Variants in PRKN observed in about 807,000 individuals in gnomAD.
PRKN encodes the protein E3 ubiquitin-protein ligase parkin.
Under a neutral mutation model 59.5 loss-of-function variants are expected in PRKN, and 56 were observed. That is an observed-to-expected ratio of 0.94 (90% CI 0.76 to 1.18). The LOEUF is 1.18. Among genes scored for constraint, PRKN ranks in the 50% most tolerant of loss-of-function variants. PRKN has a pLI of 0.00. For synonymous variants in PRKN, 250 were observed against 222.1 expected, an observed-to-expected ratio of 1.13 and a Z score of -1.12; for missense variants, 657 against 596.4, an observed-to-expected ratio of 1.10 and a Z score of -1.06.
chr6:161,350,269 G>C (rs892587450), intron 11 of PRKN, 58 bp from the exon 12 acceptor site: 3 of 1,194,218 alleles, frequency 2.5e-6, no homozygotes, highest in Non-Finnish European at 3.7e-6. Flanking sequence ...TGGAAAACAC[G>C]CATTCCCAAA....
At chr6:162,346,115 C>A (rs1784393910) in intron 2 of PRKN, among the ~76,000 whole-genome samples, 1 of 152,134 alleles carries the variant, frequency 6.6e-6, no homozygotes, top group Non-Finnish European at 1.5e-5. Context: ...CAAATGAACT[C>A]TTTTCTTTGT....
At chr6:162,474,872 C>T (rs903647656) in intron 1 of PRKN, among the ~76,000 whole-genome samples, 1 of 151,838 alleles carries the variant, frequency 6.6e-6, no homozygotes, top group African/African-American at 2.4e-5. Flanking sequence ...ACCAGAAGTC[C>T]GATGTAGCAA....
intron 4 of PRKN, among the ~76,000 whole-genome samples, chr6:162,147,935 A>G (rs1437077625): frequency 2.6e-5 from 4 of 152,206 alleles, no homozygotes; most frequent in Non-Finnish European, 5.9e-5. Flanking sequence ...ACAGCATAAA[A>G]GAGAATTCCA....
chr6:161,917,405 C>T (rs916802381), intron 6 of PRKN, among the ~76,000 whole-genome samples: 1 of 151,958 alleles, frequency 6.6e-6, no homozygotes, highest in Admixed American at 6.6e-5. Flanking sequence ...TGCACCCGGC[C>T]GATTTTTTCA....
At chr6:162,556,368 T>TGTGTGTGCGTGC (rs1554243453) in intron 1 of PRKN, among the ~76,000 whole-genome samples, 5 of 98,126 alleles carry the variant, frequency 5.1e-5, no homozygotes, top group South Asian at 4.2e-4. Flanking sequence ...TGTGTGTGTG[T>TGTGTGTGCGTGC]GTGTGTGTGT....
chr6:161,536,263 C>G (rs1479366878), intron 9 of PRKN, among the ~76,000 whole-genome samples: 1 of 152,062 alleles, frequency 6.6e-6, no homozygotes, highest in Non-Finnish European at 1.5e-5. Context: ...GGCTTCAGAG[C>G]TGATGAACTC....
chr6:161,965,824 A>G (rs958783094), intron 6 of PRKN, among the ~76,000 whole-genome samples: 10 of 152,052 alleles, frequency 6.6e-5, no homozygotes. Flanking sequence ...TAGAAAGGGA[A>G]TGTTCAGGTT....
intron 4 of PRKN, among the ~76,000 whole-genome samples, chr6:162,101,679 A>G (rs1779977357): frequency 6.6e-6 from 1 of 152,122 alleles, no homozygotes. Context: ...CTCTAAAAAA[A>G]AAAACCAATT....
chr6:162,014,816 T>C (rs1782872900), intron 5 of PRKN, among the ~76,000 whole-genome samples: 1 of 151,862 alleles, frequency 6.6e-6, no homozygotes, highest in African/African-American at 2.4e-5. Context: ...GTATTTTTTT[T>C]TTCACTCAGC....
rs1192882659 is a variant in PRKN at position 161,459,299 on chromosome 6, T to C, written c.1084-72422A>G. On this transcript the variant is annotated intron_variant, in intron 9 of 11. Transcript: ENST00000366898. The surrounding 1 kb of genome is among the most constrained non-coding windows in gnomAD (Gnocchi z 4.8). ...AAAGGAAATGCTGTGGTCTCTCTCT[T>C]AAGAATGAGAACATTCTCAGAAATG... Among the ~76,000 whole-genome samples the C allele has an allele frequency of 6.6e-6, 1 of 152,252 alleles. No individual in the cohort carries two copies. Among genetic ancestry groups the C allele is most frequent in the Non-Finnish European group, 1.5e-5 (1 of 68,042 alleles).
chr6:161,496,729 C>T (rs1777765201), intron 9 of PRKN, among the ~76,000 whole-genome samples: 1 of 152,176 alleles, frequency 6.6e-6, no homozygotes, highest in South Asian at 2.1e-4. Context: ...AAGGTCATAC[C>T]AAAGTAGGTT....
At chr6:161,824,926 C>T (rs969200858) in intron 6 of PRKN, among the ~76,000 whole-genome samples, 19 of 152,258 alleles carry the variant, frequency 1.2e-4, no homozygotes, top group South Asian at 4.1e-4. Flanking sequence ...TAAGCAGTCA[C>T]TATGCAATAA....
At chr6:161,907,782 C>T (rs1723700775) in intron 6 of PRKN, among the ~76,000 whole-genome samples, 1 of 152,140 alleles carries the variant, frequency 6.6e-6, no homozygotes, top group South Asian at 2.1e-4. Flanking sequence ...ATTATTAGAA[C>T]ATAAAGAATT....
chr6:162,360,841 G>A (rs1785103074), intron 2 of PRKN, among the ~76,000 whole-genome samples: 1 of 152,236 alleles, frequency 6.6e-6, no homozygotes, highest in East Asian at 1.9e-4. Flanking sequence ...ATTGTGCTGG[G>A]CATGAGACAT....
At chr6:162,652,729 CAGG>C in intron 1 of PRKN, among the ~76,000 whole-genome samples, 1 of 151,998 alleles carries the variant, frequency 6.6e-6, no homozygotes, top group South Asian at 2.1e-4. Flanking sequence ...TGCTTGAGCT[CAGG>C]AGTTCAAAAC....
intron 5 of PRKN, among the ~76,000 whole-genome samples, chr6:162,036,680 C>T (rs1783862894): frequency 1.3e-5 from 2 of 152,180 alleles, no homozygotes; most frequent in Admixed American, 6.5e-5. Context: ...CACGCCTGGC[C>T]ATCTGAAATA....
At chr6:162,691,623 T>C (rs12204012) in intron 1 of PRKN, among the ~76,000 whole-genome samples, 1,860 of 152,344 alleles carry the variant, frequency 0.012, 22 homozygotes, top group South Asian at 0.025. Context: ...TGAAAGGCTC[T>C]GAGAATTCTT....
At chr6:161,610,362 C>T (rs184720132) in intron 7 of PRKN, among the ~76,000 whole-genome samples, 2 of 152,102 alleles carry the variant, frequency 1.3e-5, no homozygotes, top group Admixed American at 1.3e-4. Context: ...AAATACGTAC[C>T]TCTAAAAATT....
In PRKN at chr6:161,839,979, T is replaced by C. The variant is rs181556693; in HGVS notation, c.735-54071A>G. Among the ~76,000 whole-genome samples the C allele has an allele frequency of 2.5e-3, 384 of 152,366 alleles. 4 individuals carry two copies. The highest frequency in any genetic ancestry group is 0.017 in the Middle Eastern group (5 of 294). On this transcript the variant is annotated intron_variant, in intron 6 of 11. Coordinates refer to ENST00000366898, the MANE Select transcript of PRKN (RefSeq NM_004562.3). ...TTATCAGGTTATCTGATGACATTTC[T>C]GCAAAAGAGGCACTCGCCCATCTCA...
Sources: gnomAD v4.1 joint callset for allele counts (sites outside exome capture counted in the v4.1 genomes callset) on GRCh38, gnomAD v4.1.1 for gene constraint, Gnocchi (gnomAD v3.1) non-coding constraint, MANE v1.5 for transcripts, NCBI Gene and HGNC (gene_info 2026-07-23, HGNC 2026-07-21) for gene names.